SETBP1: variants seen among roughly 807,000 people sequenced by gnomAD.
SETBP1 encodes SET-binding protein.
SETBP1 carries 9 observed loss-of-function variants against 101.0 expected under a neutral mutation model. That is an observed-to-expected ratio of 0.09 (90% CI 0.05 to 0.16). SETBP1 has a LOEUF of 0.16. Among genes scored for constraint, SETBP1 ranks in the 10% least tolerant of loss-of-function variants. The pLI, the probability that SETBP1 is intolerant of heterozygous loss-of-function variation, is 1.00. For missense variants in SETBP1, 1,858 were observed against 2,033.8 expected, an observed-to-expected ratio of 0.91 and a Z score of 1.66; for synonymous variants, 818 against 788.5, an observed-to-expected ratio of 1.04 and a Z score of -0.63.
chr18:45,034,056 C>T (rs1023486207), intron 4 of SETBP1, among the ~76,000 whole-genome samples: 3 of 152,250 alleles, frequency 2.0e-5, no homozygotes, highest in Non-Finnish European at 4.4e-5. Context: ...TTTTATTATC[C>T]AAGGTTGCAG....
chr18:45,038,372 G>C (rs2073441279), intron 4 of SETBP1, 113 bp from the exon 5 acceptor site: 1 of 953,748 alleles, frequency 1.0e-6, no homozygotes, highest in African/African-American at 1.6e-5. Context: ...TGTTGTACCA[G>C]AAGGAGGTGT....
intron 3 of SETBP1, among the ~76,000 whole-genome samples, chr18:44,943,598 G>A (rs116012058): frequency 6.6e-6 from 1 of 152,290 alleles, no homozygotes; most frequent in African/African-American, 2.4e-5. Context: ...CAGATCTCAG[G>A]TATGTTGATC....
intron 2 of SETBP1, among the ~76,000 whole-genome samples, 188 bp from the exon 3 acceptor site, chr18:44,869,042 A>G (rs1177762741): frequency 6.6e-6 from 1 of 152,206 alleles, no homozygotes; most frequent in Non-Finnish European, 1.5e-5. Context: ...GAAGTCAGAG[A>G]TGGAGCACAA....
intron 4 of SETBP1, among the ~76,000 whole-genome samples, chr18:44,994,146 GAA>G (rs1327342968): frequency 6.6e-6 from 1 of 151,878 alleles, no homozygotes; most frequent in Non-Finnish European, 1.5e-5. Context: ...GTTTAATAAA[GAA>G]AAGACTTTCA....
intron 3 of SETBP1, chr18:44,877,523 T>C (rs2069435350): frequency 4.3e-6 from 1 of 232,336 alleles, no homozygotes; most frequent in South Asian, 1.6e-4. Context: ...TCTTTCTTGC[T>C]ACTTTTAGGA....
chr18:44,798,060 T>C (rs2071520886), intron 2 of SETBP1, among the ~76,000 whole-genome samples: 1 of 152,194 alleles, frequency 6.6e-6, no homozygotes, highest in Non-Finnish European at 1.5e-5. Flanking sequence ...CCAAACGCTA[T>C]GGATGCTTTT....
chr18:44,813,773 G>A (rs1303888525), intron 2 of SETBP1, among the ~76,000 whole-genome samples: 2 of 152,222 alleles, frequency 1.3e-5, no homozygotes, highest in African/African-American at 4.8e-5. Flanking sequence ...GAGTGCTGCA[G>A]ATGTAAGATT....
Position 45,063,295 on chromosome 18 carries a change from A to T in SETBP1, c.4388A>T (p.Gln1463Leu). Residue 1463 changes from glutamine (Q) to leucine (L), a missense_variant, in exon 6 of 6, where the codon CAG becomes CTG. Gln to Leu is a moderately radical substitution (Grantham distance 113, BLOSUM62 -2). Coordinates refer to ENST00000649279, the MANE Select transcript of SETBP1 (RefSeq NM_015559.3). ...GGGCGTCCCAGGAAGCAGCCCACCC[A>T]GTTCGATGAGGACTCCAGAGACCAA... is the stretch of plus-strand genomic sequence containing the variant. ...RRGRPRKQPT[Q>L]FDEDSRDQMP... The T allele has an allele frequency of 6.2e-7, 1 of 1,607,508 alleles. No homozygotes were observed. The highest frequency in any genetic ancestry group is 8.5e-7 in the Non-Finnish European group (1 of 1,176,728).
chr18:44,971,993 G>A (rs530242368), intron 4 of SETBP1, among the ~76,000 whole-genome samples: 1 of 152,208 alleles, frequency 6.6e-6, no homozygotes, highest in African/African-American at 2.4e-5. Flanking sequence ...TTTCTTCTAG[G>A]GTTTTTATGG....
At chr18:44,790,112 G>C (rs1032734035) in intron 2 of SETBP1, among the ~76,000 whole-genome samples, 3 of 152,100 alleles carry the variant, frequency 2.0e-5, no homozygotes, top group African/African-American at 4.8e-5. Context: ...GGAAGAACAG[G>C]CTGTGTTTTA....
chr18:44,996,066 C>T (rs1254236741), intron 4 of SETBP1, among the ~76,000 whole-genome samples: 1 of 152,116 alleles, frequency 6.6e-6, no homozygotes, highest in Non-Finnish European at 1.5e-5. Context: ...ATGAAGCTAC[C>T]CCAAAAACCC....
At chr18:45,042,524 ACTTTTTTCAAATAGGTGAT>A (rs1259757309) in intron 5 of SETBP1, among the ~76,000 whole-genome samples, 16 of 152,238 alleles carry the variant, frequency 1.1e-4, no homozygotes, top group Non-Finnish European at 2.9e-5. Flanking sequence ...TAAGAACAGC[ACTTTTTTCAAATAGGTGAT>A]CTTTGGTAAA....
At chr18:44,713,908 C>T (rs1394602418) in intron 2 of SETBP1, among the ~76,000 whole-genome samples, 1 of 152,172 alleles carries the variant, frequency 6.6e-6, no homozygotes, top group Non-Finnish European at 1.5e-5. Context: ...ATAGAAGGCA[C>T]AGAAACAAGG....
rs957365877 is a variant in SETBP1 at position 44,981,393 on chromosome 18, G to A, written c.4000+28053G>A. ...AAAAATCTATATCCAGTCTTACACGGAATCAATGCTTACAGTCACCTTGTA... is the reference window on the plus strand; with the variant it reads ...AAAAATCTATATCCAGTCTTACACGAAATCAATGCTTACAGTCACCTTGTA... On this transcript the variant is annotated intron_variant, in intron 4 of 5. Coordinates refer to ENST00000649279, the MANE Select transcript of SETBP1 (RefSeq NM_015559.3). 3.3e-5 allele frequency among the ~76,000 whole-genome samples: 5 copies of A among 152,158 alleles called. No homozygotes were observed. The South Asian group carries it at 1.0e-3, about 32-fold the overall frequency.
intron 3 of SETBP1, among the ~76,000 whole-genome samples, chr18:44,939,342 T>C (rs1464515064): frequency 6.6e-6 from 1 of 152,030 alleles, no homozygotes; most frequent in East Asian, 1.9e-4. Context: ...AACAGAATGG[T>C]ACAGTGTGGA....
At chr18:44,805,219 C>T (rs1294107853) in intron 2 of SETBP1, among the ~76,000 whole-genome samples, 1 of 152,074 alleles carries the variant, frequency 6.6e-6, no homozygotes, top group Non-Finnish European at 1.5e-5. Context: ...AGATGAGAAA[C>T]CGTTTAAGAC....
intron 3 of SETBP1, among the ~76,000 whole-genome samples, chr18:44,903,998 C>T (rs2070113307): frequency 6.6e-6 from 1 of 152,194 alleles, no homozygotes; most frequent in African/African-American, 2.4e-5. Flanking sequence ...GCTACATCTT[C>T]TAGTTCTTAT....
intron 4 of SETBP1, among the ~76,000 whole-genome samples, chr18:45,015,643 G>T (rs1013910018): frequency 2.0e-5 from 3 of 152,180 alleles, no homozygotes; most frequent in South Asian, 4.1e-4. Context: ...AGTAAGAGAA[G>T]AATATTGGAT....
chr18:44,773,838 ATGTG>A lies in SETBP1; in HGVS notation c.486+72036_486+72039del, dbSNP rs61649185. Among the ~76,000 whole-genome samples the A allele has an allele frequency of 1.3e-3, 173 of 134,276 alleles. 1 individual carries two copies. Among genetic ancestry groups the A allele is most frequent in the Middle Eastern group, 7.5e-3 (2 of 266 alleles). The allele number at this position is 134,276 out of a possible 152,430, so 88.1% of individuals were successfully genotyped here. ...TCTCTCTCTCTGTCTCTCTCTGTTT[ATGTG>A]TGTGTGTGTGTGTGTGTGTGTGTGT... On this transcript the variant is annotated intron_variant, in intron 2 of 5. Transcript: ENST00000649279.
Sources: allele counts gnomAD v4.1 joint callset (sites outside exome capture counted in the v4.1 genomes callset), GRCh38; gene constraint gnomAD v4.1.1; transcripts MANE v1.5; gene names NCBI Gene and HGNC (gene_info 2026-07-23, HGNC 2026-07-21).